Variants in RP1 observed in about 807,000 individuals in gnomAD.
RP1 encodes the protein oxygen-regulated protein 1.
RP1 carries 16 observed loss-of-function variants against 14.8 expected under a neutral mutation model. The observed-to-expected ratio is 1.08, with a 90% CI of 0.73 to 1.65. The LOEUF (loss-of-function observed/expected upper bound fraction) is 1.65. RP1 is among the 40% of genes most tolerant of loss of function. The pLI, the probability that RP1 is intolerant of heterozygous loss-of-function variation, is 0.00. For missense variants in RP1, 2,631 were observed against 2,535.0 expected (o/e 1.04, Z -0.81); for synonymous variants, 876 against 883.6 (o/e 0.99, Z 0.15).
intron 3 of RP1, among the ~76,000 whole-genome samples, chr8:54,641,006 C>T (rs867740399): frequency 6.8e-6 from 1 of 146,142 alleles, no homozygotes; most frequent in Non-Finnish European, 1.5e-5. Context: ...GTTGCCCAGG[C>T]TGGAGTGTAG....
At chr8:54,686,539 C>A (rs1807566827) in intron 12 of RP1, among the ~76,000 whole-genome samples, 1 of 152,106 alleles carries the variant, frequency 6.6e-6, no homozygotes, top group South Asian at 2.1e-4. Flanking sequence ...TAAAAGCAGA[C>A]ACACAGCATG....
At chr8:54,725,846 T>G (rs544056983) in intron 16 of RP1, among the ~76,000 whole-genome samples, 51 of 152,180 alleles carry the variant, frequency 3.4e-4, no homozygotes, top group Non-Finnish European at 5.6e-4. Flanking sequence ...GAGATACCTA[T>G]TTCTAAACAA....
rs138735786 is a variant in RP1, at chr8:54,644,582, A to C, written c.788-4403A>C. On this transcript the variant is annotated intron_variant, in intron 3 of 22. Transcript: ENST00000636932. ...GATTGGATCAGTGAATCATATGTTT[A>C]ATGCTGTTAGCAAGAGGTTGTTCAG... Among the ~76,000 whole-genome samples, 445 of 152,162 alleles carry C rather than the reference A, an allele frequency of 2.9e-3. 3 individuals carry two copies. Among genetic ancestry groups the C allele is most frequent in the African/African-American group, 9.6e-3 (397 of 41,508 alleles).
chr8:54,739,008 A>T (rs1384956560), exon 19 of RP1: 1 of 1,532,088 alleles, frequency 6.5e-7, no homozygotes, highest in Non-Finnish European at 8.7e-7. Context: ...CCAGTGAGCA[A>T]CCCGAGTGGA....
chr8:54,629,983 T>A lies in RP1; in HGVS notation c.6101T>A (p.Met2034Lys). The A allele has an allele frequency of 6.2e-7, 1 of 1,614,054 alleles. No homozygotes were observed. The highest frequency in any genetic ancestry group is 1.3e-5 in the African/African-American group (1 of 75,056). Residue 2034 changes from methionine (M) to lysine (K), a missense_variant, in exon 4 of 4, where the codon ATG becomes AAG. By Grantham distance (95) the Met-to-Lys change is moderately conservative. Coordinates refer to ENST00000220676, the MANE Select transcript of RP1 (RefSeq NM_006269.2). ...FQPDLKERFC[M>K]NFLHTSLLVV... The stretch of plus-strand genomic sequence containing the variant: ...CCAGATTTGAAGGAAAGGTTTTGTA[T>A]GAATTTCTTGCACACATCATTGTTA...
At chr8:54,578,991 T>G (rs1804720890) in intron 1 of RP1, among the ~76,000 whole-genome samples, 1 of 152,198 alleles carries the variant, frequency 6.6e-6, no homozygotes, top group Non-Finnish European at 1.5e-5. Context: ...TTTCCCCAAA[T>G]AAGCAATTTC....
chr8:54,602,979 C>T (rs1401215105), intron 1 of RP1, among the ~76,000 whole-genome samples: 10 of 152,104 alleles, frequency 6.6e-5, no homozygotes, highest in Non-Finnish European at 1.0e-4. Flanking sequence ...TTCTCCCATT[C>T]TGTAGGTTGC....
chr8:54,740,218 G>A (rs1261514945), intron 19 of RP1, among the ~76,000 whole-genome samples: 1 of 150,620 alleles, frequency 6.6e-6, no homozygotes, highest in Admixed American at 6.6e-5. Context: ...CTTTCAAGAA[G>A]TGTTCCAGAA....
rs752907210 is a variant in RP1 at position 54,626,047 on chromosome 8, A to T, written c.2165A>T (p.Lys722Ile). Residue 722 changes from lysine (K) to isoleucine (I), a missense_variant, in exon 4 of 4, where the codon AAA (lysine) becomes ATA (isoleucine). Physicochemically the swap from Lys to Ile is moderately radical, Grantham distance 102 (BLOSUM62 -3). Coordinates refer to ENST00000220676, the MANE Select transcript of RP1 (RefSeq NM_006269.2). ...MIVQDSDSPL[K>I]GGILCEEDLQ... ...GTGCAAGATTCAGATAGTCCCCTTA[A>T]AGGAGGGATACTTTGTGAGGAAGAC... The T allele has an allele frequency of 6.2e-7, 1 of 1,613,906 alleles. No individual in the cohort carries two copies. Among genetic ancestry groups the T allele is most frequent in the Non-Finnish European group, 8.5e-7 (1 of 1,179,890 alleles).
At chr8:54,719,620 C>T (rs1031740524) in intron 15 of RP1, among the ~76,000 whole-genome samples, 1 of 152,224 alleles carries the variant, frequency 6.6e-6, no homozygotes, top group East Asian at 1.9e-4. Context: ...GCTAGGCATT[C>T]GATTCTTGAA....
intron 24 of RP1, among the ~76,000 whole-genome samples, chr8:54,810,984 A>T (rs892004023): frequency 1.3e-5 from 2 of 152,194 alleles, no homozygotes; most frequent in African/African-American, 4.8e-5. Context: ...GGTGATTTTT[A>T]AATGCTGTGA....
intron 15 of RP1, among the ~76,000 whole-genome samples, chr8:54,710,066 C>A (rs1459126913): frequency 6.6e-6 from 1 of 152,144 alleles, no homozygotes; most frequent in Non-Finnish European, 1.5e-5. Context: ...TGGCAGTGGG[C>A]TGTGACCTCT....
intron 24 of RP1, among the ~76,000 whole-genome samples, chr8:54,829,081 C>T (rs188684339): frequency 6.6e-6 from 1 of 151,718 alleles, no homozygotes; most frequent in East Asian, 1.9e-4. Flanking sequence ...TTAGTAGAGA[C>T]GGGGTTTTGC....
chr8:54,684,975 C>T (rs1807523726), intron 12 of RP1, among the ~76,000 whole-genome samples: 1 of 152,096 alleles, frequency 6.6e-6, no homozygotes, highest in Non-Finnish European at 1.5e-5. Flanking sequence ...ACAACACTTA[C>T]TGCGGCTTGT....
chr8:54,602,692 G>A (rs1805320965), intron 1 of RP1, among the ~76,000 whole-genome samples: 1 of 152,148 alleles, frequency 6.6e-6, no homozygotes, highest in Non-Finnish European at 1.5e-5. Context: ...ATCCTCTCCA[G>A]CACCTGTTGT....
intron 25 of RP1, among the ~76,000 whole-genome samples, chr8:54,850,004 G>T (rs1038900251): frequency 3.3e-5 from 5 of 152,158 alleles, no homozygotes; most frequent in South Asian, 2.1e-4. Flanking sequence ...TGTGCTTCTG[G>T]CTTTGTCATA....
At chr8:54,580,876 C>G (rs1804774733) in intron 1 of RP1, among the ~76,000 whole-genome samples, 1 of 152,192 alleles carries the variant, frequency 6.6e-6, no homozygotes, top group African/African-American at 2.4e-5. Flanking sequence ...CTCGGCCTCC[C>G]AAAGTGCTGG....
intron 24 of RP1, among the ~76,000 whole-genome samples, chr8:54,796,844 C>T (rs374089484): frequency 5.9e-5 from 9 of 152,266 alleles, no homozygotes; most frequent in African/African-American, 2.2e-4. Flanking sequence ...CAGTCAGATG[C>T]TTCACAGAAA....
At chr8:54,811,378 G>A (rs1447324924) in intron 24 of RP1, among the ~76,000 whole-genome samples, 2 of 152,150 alleles carry the variant, frequency 1.3e-5, no homozygotes, top group East Asian at 3.8e-4. Flanking sequence ...ATAACAAAAT[G>A]TAACATTTTC....
Sources: allele counts gnomAD v4.1 joint callset (sites outside exome capture counted in the v4.1 genomes callset), GRCh38; gene constraint gnomAD v4.1.1; transcripts MANE v1.5; gene names NCBI Gene and HGNC (gene_info 2026-07-23, HGNC 2026-07-21).